The following SCFD1 variants were observed in gnomAD, a reference collection of about 807,000 sequenced individuals.
SCFD1 encodes sec1 family domain-containing protein 1.
In SCFD1, 37 loss-of-function variants were observed where a neutral mutation model predicts 103.2. That is an observed-to-expected ratio of 0.36 (90% CI 0.28 to 0.47). The LOEUF (loss-of-function observed/expected upper bound fraction) is 0.47. SCFD1 is among the 20% of genes least tolerant of loss of function. The probability of loss-of-function intolerance (pLI) is 1.00; values close to 1 mark genes in which losing one functional copy is unlikely to be tolerated. For missense variants in SCFD1, 639 were observed against 761.2 expected (o/e 0.84, Z 1.89); for synonymous variants, 264 against 245.0 (o/e 1.08, Z -0.73).
intron 7 of SCFD1, among the ~76,000 whole-genome samples, chr14:30,647,259 CA>C (rs1885929857): frequency 6.6e-6 from 1 of 151,832 alleles, no homozygotes; most frequent in Non-Finnish European, 1.5e-5. Flanking sequence ...ATATGTCACA[CA>C]AAAAAATTAA....
At chr14:30,653,614 T>A in intron 10 of SCFD1, 26 bp downstream of exon 10, 1 of 1,417,614 alleles carries the variant, frequency 7.1e-7, no homozygotes, top group Non-Finnish European at 9.9e-7. Flanking sequence ...CAGCACTTAT[T>A]ACTGAAATAT....
In SCFD1 at chr14:30,638,158, T is replaced by C. The variant is rs1287747484; in HGVS notation, c.346T>C (p.Leu116=). The C allele has an allele frequency of 1.2e-6, 2 of 1,611,380 alleles. No homozygotes were observed. ...AAATCAACTATATGAATCATATTAT[T>C]TAAATTTTATTTCTGCTATTTCAAG... The part of the protein sequence containing the change: ...LRNQLYESYY[L]NFISAISRSK... Residue 116 remains leucine (L), a synonymous_variant, in exon 5 of 25, where the codon TTA becomes CTA. Coordinates refer to ENST00000458591, the MANE Select transcript of SCFD1 (RefSeq NM_016106.4).
chr14:30,720,652 A>C (rs1566661274), intron 21 of SCFD1, among the ~76,000 whole-genome samples: 1 of 152,314 alleles, frequency 6.6e-6, no homozygotes, highest in East Asian at 1.9e-4. Context: ...AATACAGTGT[A>C]AACTATATAG....
intron 10 of SCFD1, among the ~76,000 whole-genome samples, chr14:30,656,550 TAC>T (rs775682701): frequency 6.6e-6 from 1 of 152,100 alleles, no homozygotes; most frequent in Non-Finnish European, 1.5e-5. Flanking sequence ...CAAAACGTCT[TAC>T]ACACGCCAAT....
intron 2 of SCFD1, among the ~76,000 whole-genome samples, chr14:30,628,865 C>G (rs528402832): frequency 2.6e-4 from 40 of 152,136 alleles, no homozygotes; most frequent in Non-Finnish European, 4.6e-4. Flanking sequence ...TTAACAGTCT[C>G]TTTATATTTC....
At chr14:30,675,204 T>G in intron 14 of SCFD1, 139 bp downstream of exon 14, 1 of 451,796 alleles carries the variant, frequency 2.2e-6, no homozygotes. Flanking sequence ...AGCAGTATTA[T>G]AGTTATTTTT....
At chr14:30,683,348 C>A in intron 14 of SCFD1, 1 of 594,084 alleles carries the variant, frequency 1.7e-6, no homozygotes. Context: ...CACTGGGGAA[C>A]TCTAGTGAGA....
intron 3 of SCFD1, among the ~76,000 whole-genome samples, chr14:30,633,515 G>C (rs922288053): frequency 6.6e-6 from 1 of 151,940 alleles, no homozygotes; most frequent in Non-Finnish European, 1.5e-5. Flanking sequence ...CTAAAGAATT[G>C]CTTCTAAAAT....
intron 21 of SCFD1, among the ~76,000 whole-genome samples, chr14:30,720,707 T>C (rs766937521): frequency 3.9e-5 from 6 of 152,174 alleles, no homozygotes; most frequent in Non-Finnish European, 7.4e-5. Flanking sequence ...TTAGGTATCA[T>C]AAGTAATCTA....
At chr14:30,707,366 T>C (rs1187959337) in intron 18 of SCFD1, among the ~76,000 whole-genome samples, 2 of 152,136 alleles carry the variant, frequency 1.3e-5, no homozygotes, top group East Asian at 1.9e-4. Context: ...TGGTGTTTTG[T>C]TGTTGTTGTT....
chr14:30,726,236 ACTTGTT>A (rs1253942402), intron 23 of SCFD1, among the ~76,000 whole-genome samples: 1 of 152,206 alleles, frequency 6.6e-6, no homozygotes, highest in African/African-American at 2.4e-5. Flanking sequence ...TCCAGTGAAA[ACTTGTT>A]CTTAATCATG....
intron 10 of SCFD1, among the ~76,000 whole-genome samples, chr14:30,664,238 C>T (rs1340419531): frequency 6.6e-6 from 1 of 152,160 alleles, no homozygotes; most frequent in East Asian, 1.9e-4. Context: ...GCAGCCTCCG[C>T]TGGTGATTAC....
chr14:30,734,874 G>GTTGT lies in SCFD1; in HGVS notation c.1905+23_1905+26dup, dbSNP rs1228835382. 2.5e-6 allele frequency: 4 copies of GTTGT among 1,590,456 alleles called. No homozygotes were observed. The highest frequency in any genetic ancestry group is 3.5e-6 in the Non-Finnish European group (4 of 1,159,240). On this transcript the variant is annotated intron_variant, in intron 24 of 24. Coordinates refer to ENST00000458591, the MANE Select transcript of SCFD1 (RefSeq NM_016106.4). ...CATAAAACAGGTAAAGTATACATTT[G>GTTGT]TTGTTTGTTTCTGTTAACATACCCC... is the stretch of plus-strand genomic sequence containing the variant.
Position 30,653,576 on chromosome 14 carries a change from G to A in SCFD1, c.843G>A (p.Val281=). The change falls in exon 10 of 25, where the codon GTG becomes GTA. Residue 281 remains valine (V), a synonymous_variant. Coordinates refer to ENST00000458591, the MANE Select transcript of SCFD1 (RefSeq NM_016106.4). ...LHHTWTYQAL[V]HDVLDFHLNR... is the part of the protein sequence containing the mutation. Reference sequence around the variant, plus strand: ...ATACTTGGACATATCAAGCATTGGTGCACGATGTACTGGTAAGAGACTAAA... The same window carrying A: ...ATACTTGGACATATCAAGCATTGGTACACGATGTACTGGTAAGAGACTAAA... 1.2e-6 allele frequency: 2 copies of A among 1,608,578 alleles called. No homozygotes were observed. Among genetic ancestry groups the A allele is most frequent in the Non-Finnish European group, 1.7e-6 (2 of 1,175,276 alleles).
At chr14:30,639,932 T>G (rs903362184) in intron 6 of SCFD1, 68 bp downstream of exon 6, 1 of 1,473,662 alleles carries the variant, frequency 6.8e-7, no homozygotes, top group African/African-American at 1.4e-5. Flanking sequence ...AGAAAAAAAG[T>G]GAATATGTTT....
At chr14:30,683,159 G>T in intron 14 of SCFD1, 2 of 1,107,946 alleles carry the variant, frequency 1.8e-6, no homozygotes, top group Admixed American at 1.8e-5. Flanking sequence ...TATCAATGTT[G>T]GGTTCTCCTA....
intron 10 of SCFD1, among the ~76,000 whole-genome samples, chr14:30,658,744 A>T (rs899381352): frequency 2.0e-5 from 3 of 152,172 alleles, no homozygotes; most frequent in Non-Finnish European, 4.4e-5. Context: ...CACTTCAGGA[A>T]CACCTATTTC....
At position 30,673,948 on chromosome 14, in the gene SCFD1, G is replaced by A. The variant is rs1888789412; in HGVS notation, c.1111G>A (p.Ala371Thr). The A allele has an allele frequency of 1.2e-6, 2 of 1,613,576 alleles. No homozygotes were observed. Among genetic ancestry groups the A allele is most frequent in the African/African-American group, 1.3e-5 (1 of 74,904 alleles). The change falls in exon 13 of 25, where the codon GCC becomes ACC. Residue 371 changes from alanine (A) to threonine (T), a missense_variant. Ala to Thr is a moderately conservative substitution (Grantham distance 58). Transcript: ENST00000458591. ...IMGLEGEDEG[A>T]ISMLSDNTAK... ...GGGACTAGAAGGGGAAGATGAAGGA[G>A]CCATAAGTATGCTTTCTGACAATAC...
chr14:30,650,850 C>T (rs1886332774), intron 9 of SCFD1, among the ~76,000 whole-genome samples, 200 bp downstream of exon 9: 2 of 152,014 alleles, frequency 1.3e-5, no homozygotes, highest in South Asian at 2.1e-4. Context: ...GTAAAAATTT[C>T]TAAGCATTTT....
Sources: gnomAD v4.1 joint callset for allele counts (sites outside exome capture counted in the v4.1 genomes callset) on GRCh38, gnomAD v4.1.1 for gene constraint, MANE v1.5 for transcripts, NCBI Gene and HGNC (gene_info 2026-07-23, HGNC 2026-07-21) for gene names.